PLEKHN1: variants seen among roughly 807,000 people sequenced by gnomAD.
PLEKHN1 encodes pleckstrin homology domain-containing family N member 1.
PLEKHN1 carries 68 observed loss-of-function variants against 72.8 expected under a neutral mutation model. The ratio of observed to expected loss-of-function variants is 0.93; its 90% CI spans 0.77 to 1.14. The LOEUF (loss-of-function observed/expected upper bound fraction) is 1.14. Ranked by LOEUF, PLEKHN1 falls within the 50% of genes most tolerant of loss-of-function variation. The pLI, the probability that PLEKHN1 is intolerant of heterozygous loss-of-function variation, is 0.00. For synonymous variants in PLEKHN1, 454 were observed against 371.6 expected, an observed-to-expected ratio of 1.22 and a Z score of -2.55; for missense variants, 1,015 against 840.5, an observed-to-expected ratio of 1.21 and a Z score of -2.57.
chr1:972,267 C>T lies in PLEKHN1; in HGVS notation c.866-21C>T, dbSNP rs537665741. The T allele has an allele frequency of 2.9e-5, 46 of 1,607,666 alleles. No individual in the cohort carries two copies. In the South Asian group the frequency reaches 4.0e-4, roughly 14 times the overall value. On this transcript the variant is annotated intron_variant, in intron 9 of 15. Transcript: ENST00000379410. Reference sequence around the variant, plus strand: ...GAGGGGTGCACCCCCCCGCCAGCCCCTCACAGCATCTGTATGCCAGGCCCC... The same window carrying T: ...GAGGGGTGCACCCCCCCGCCAGCCCTTCACAGCATCTGTATGCCAGGCCCC...
At position 973,700 on chromosome 1, in the gene PLEKHN1, G is replaced by A. The variant is rs1643462214; in HGVS notation, c.1434+60G>A. ...GGTGCCTGCAGCCTGAGGCTGGGGA[G>A]GTCTAGACCGTGCGTCTCACCCTGG... On this transcript the variant is annotated intron_variant, in intron 13 of 15. Coordinates refer to ENST00000379410, the MANE Select transcript of PLEKHN1 (RefSeq NM_032129.3). The A allele has an allele frequency of 3.8e-6, 6 of 1,590,498 alleles. No homozygotes were observed. In the African/African-American group the frequency reaches 4.0e-5, roughly 11 times the overall value.
chr1:966,683 G>T, intron 1 of PLEKHN1, 21 bp from the exon 2 acceptor site: 1 of 1,577,702 alleles, frequency 6.3e-7, no homozygotes, highest in Non-Finnish European at 8.6e-7. Flanking sequence ...CAAGCCACGA[G>T]ACCCCTTGCC....
In PLEKHN1 at chr1:971,223, C is replaced by T. The variant is rs1273710282; in HGVS notation, c.708+15C>T. The T allele has an allele frequency of 5.7e-6, 9 of 1,567,316 alleles. No individual in the cohort carries two copies. Among genetic ancestry groups the T allele is most frequent in the African/African-American group, 2.7e-5 (2 of 73,928 alleles). Reference sequence around the variant, plus strand: ...TGCCCGCACAGGTGGGTGGGAGGTGCGTGGGGCTGTAGGGGGATGGGAGGG... The same window carrying T: ...TGCCCGCACAGGTGGGTGGGAGGTGTGTGGGGCTGTAGGGGGATGGGAGGG... On this transcript the variant is annotated intron_variant, in intron 7 of 15. Coordinates refer to ENST00000379410, the MANE Select transcript of PLEKHN1 (RefSeq NM_032129.3).
In PLEKHN1 at chr1:973,416, C is replaced by T; in HGVS notation, c.1294-84C>T. Reference sequence around the variant, plus strand: ...TCTCTGGGCCCAGTTGTCCTGGAGCCACCCAGAGGCCTCTTGCACAGAGAA... The same window carrying T: ...TCTCTGGGCCCAGTTGTCCTGGAGCTACCCAGAGGCCTCTTGCACAGAGAA... On this transcript the variant is annotated intron_variant, in intron 12 of 15. Transcript: ENST00000379410. 3 of 1,569,562 alleles carry T rather than the reference C, an allele frequency of 1.9e-6. No homozygotes were observed. In the South Asian group the frequency reaches 3.5e-5, roughly 18 times the overall value.
At position 975,836 on chromosome 1, in the gene PLEKHN1, C is replaced by T; in HGVS notation, c.*1261C>T. On this transcript the variant is annotated 3_prime_UTR_variant, in exon 16 of 16. Transcript: ENST00000379410. ...GTTGCATTTGATTTCAGATAAACAACAACTTCTTAGTAAAATGACCTCCCC... is the reference window on the plus strand; with the variant it reads ...GTTGCATTTGATTTCAGATAAACAATAACTTCTTAGTAAAATGACCTCCCC... 3.5e-6 allele frequency: 1 copy of T among 288,338 alleles called. No homozygotes were observed. Among genetic ancestry groups the T allele is most frequent in the East Asian group, 7.2e-5 (1 of 13,796 alleles). The allele number at this position is 288,338 out of a possible 1,614,324, so 17.9% of individuals were successfully genotyped here.
Position 974,715 on chromosome 1 carries a change from G to A in PLEKHN1, c.*140G>A, listed in dbSNP as rs573015382. The A allele has an allele frequency of 1.6e-3, 1,783 of 1,100,656 alleles. 5 individuals are homozygous for A. Among genetic ancestry groups the A allele is most frequent in the Non-Finnish European group, 1.8e-3 (1,458 of 793,166 alleles). The allele number at this position is 1,100,656 out of a possible 1,614,324, so 68.2% of individuals were successfully genotyped here. ...CTCTGGGGCCCTGAGTTCAGAGCCC[G>A]TCCCTCAGCTCCTGTTCCTTGGTGC... On this transcript the variant is annotated 3_prime_UTR_variant, in exon 16 of 16. Coordinates refer to ENST00000379410, the MANE Select transcript of PLEKHN1 (RefSeq NM_032129.3).
At chr1:973,058 G>A in intron 11 of PLEKHN1, 48 bp downstream of exon 11, 1 of 1,564,722 alleles carries the variant, frequency 6.4e-7, no homozygotes, top group African/African-American at 1.3e-5. Context: ...AAGGCTGTCG[G>A]GTAGGTGTGT....
At chr1:966,881 T>A in intron 2 of PLEKHN1, 78 bp downstream of exon 2, 1 of 1,432,768 alleles carries the variant, frequency 7.0e-7, no homozygotes, top group Non-Finnish European at 9.3e-7. Flanking sequence ...TCCGTGCAGC[T>A]CAGGGTCTTC....
chr1:972,238 C>T (rs768456077), intron 9 of PLEKHN1, 50 bp from the exon 10 acceptor site: 35 of 1,599,860 alleles, frequency 2.2e-5, no homozygotes, highest in Middle Eastern at 1.7e-4. Flanking sequence ...TTAGTGGGGG[C>T]GCTGAGGGGT....
chr1:966,768 G>A lies in PLEKHN1; in HGVS notation c.148G>A (p.Ala50Thr), dbSNP rs747353412. The A allele has an allele frequency of 5.7e-6, 9 of 1,571,126 alleles. No individual in the cohort carries two copies. In the East Asian group the frequency reaches 9.5e-5, roughly 17 times the overall value. ...CGAGGCTGCTCGAAGCGGGGACGCCGCCGCCAACAAGCTCTTCCACTACAT... is the reference window on the plus strand; with the variant it reads ...CGAGGCTGCTCGAAGCGGGGACGCCACCGCCAACAAGCTCTTCCACTACAT... ...GPEAARSGDA[A>T]ANKLFHYIPG... The change falls in exon 2 of 16, where the codon GCC (alanine) becomes ACC (threonine). Residue 50 changes from alanine (A) to threonine (T), a missense_variant. Transcript: ENST00000379410.
chr1:974,149 C>T, intron 14 of PLEKHN1, 98 bp downstream of exon 14: 1 of 1,484,414 alleles, frequency 6.7e-7, no homozygotes, highest in Non-Finnish European at 9.2e-7. Flanking sequence ...GGGAGGGAAA[C>T]AGGAGGACGG....
Position 967,072 on chromosome 1 carries a change from G to A in PLEKHN1, c.183+269G>A, listed in dbSNP as rs538135798. ...GCGGGGCCTCCCGGGACCTCCTCCC[G>A]CAGGGGACCAGCGCACGTGTCTCTG... On this transcript the variant is annotated intron_variant, in intron 2 of 15. Transcript: ENST00000379410. Among the ~76,000 whole-genome samples the A allele has an allele frequency of 1.3e-3, 200 of 152,334 alleles. 2 individuals are homozygous for A. Among genetic ancestry groups the A allele is most frequent in the African/African-American group, 4.7e-3 (196 of 41,594 alleles).
In PLEKHN1 at chr1:974,551, T is replaced by C; in HGVS notation, c.1812T>C (p.Ser604=). 1 of 1,612,072 alleles carries C rather than the reference T, an allele frequency of 6.2e-7. No homozygotes were observed. The highest frequency in any genetic ancestry group is 2.2e-5 in the East Asian group (1 of 44,842). The change falls in exon 16 of 16, where the codon AGT becomes AGC. Residue 604 remains serine, a synonymous_variant. Coordinates refer to ENST00000379410, the MANE Select transcript of PLEKHN1 (RefSeq NM_032129.3). ...KCPQLGGPEA[S]GGLVQWI The stretch of plus-strand genomic sequence containing the variant: ...CCCAGCTTGGAGGGCCTGAGGCCAG[T>C]GGGGGGCTTGTGCAGTGGATCTGAT...
rs1570056600 is a variant in PLEKHN1, at chr1:974,626, A to C, written c.*51A>C. 6.4e-7 allele frequency: 1 copy of C among 1,559,844 alleles called. No homozygotes were observed. The stretch of plus-strand genomic sequence containing the variant: ...GACCACCCTCGCCAAGCTCCAGGGT[A>C]CCTGCCCCTCTAACCCACTTCAAAT... On this transcript the variant is annotated 3_prime_UTR_variant, in exon 16 of 16. Coordinates refer to ENST00000379410, the MANE Select transcript of PLEKHN1 (RefSeq NM_032129.3).
rs1310594826 is a variant in PLEKHN1, at chr1:975,052, G to A, written c.*477G>A. 6.1e-6 allele frequency: 1 copy of A among 164,292 alleles called. No homozygotes were observed. The highest frequency in any genetic ancestry group is 1.3e-5 in the Non-Finnish European group (1 of 75,442). 10.2% of individuals were successfully genotyped at this position (164,292 alleles called of 1,614,324 possible). On this transcript the variant is annotated 3_prime_UTR_variant, in exon 16 of 16. Coordinates refer to ENST00000379410, the MANE Select transcript of PLEKHN1 (RefSeq NM_032129.3). ...GGTGGGTGGGTCCTTGTGTGGCCTG[G>A]CGCGCACCACAGGGCAGCACGGGAG...
chr1:972,520 T>A (rs1643392859), intron 10 of PLEKHN1, 96 bp downstream of exon 10: 1 of 1,385,996 alleles, frequency 7.2e-7, no homozygotes. Context: ...AATCCCAGCA[T>A]TTTAGGAGGC....
intron 2 of PLEKHN1, among the ~76,000 whole-genome samples, chr1:967,384 C>CCG (rs1643064827): frequency 6.6e-6 from 1 of 151,346 alleles, no homozygotes; most frequent in East Asian, 2.0e-4. Flanking sequence ...CCACCCCCCC[C>CCG]CCAGCCCCTG....
At chr1:969,509 G>A (rs1259459267) in intron 2 of PLEKHN1, among the ~76,000 whole-genome samples, 2 of 151,858 alleles carry the variant, frequency 1.3e-5, no homozygotes, top group Admixed American at 1.3e-4. Flanking sequence ...TGTGTGTATA[G>A]GTGTGCATGT....
intron 2 of PLEKHN1, among the ~76,000 whole-genome samples, chr1:969,384 C>T (rs1206048786): frequency 8.3e-6 from 1 of 120,274 alleles, no homozygotes; most frequent in Admixed American, 8.5e-5. Context: ...TATATGTGTG[C>T]ACACATCTGT....
Sources: gnomAD v4.1 joint callset for allele counts (sites outside exome capture counted in the v4.1 genomes callset) on GRCh38, gnomAD v4.1.1 for gene constraint, MANE v1.5 for transcripts, NCBI Gene and HGNC (gene_info 2026-07-23, HGNC 2026-07-21) for gene names.